Variants in SERPINF1 observed in about 807,000 individuals in gnomAD.
SERPINF1 encodes serpin family F member 1, also known as pigment epithelium-derived factor.
Under a neutral mutation model 37.3 loss-of-function variants are expected in SERPINF1, and 29 were observed. The observed-to-expected ratio is 0.78, with a 90% CI of 0.58 to 1.06. SERPINF1 has a LOEUF of 1.06. Among genes scored for constraint, SERPINF1 ranks in the 50% least tolerant of loss-of-function variants. The probability of loss-of-function intolerance (pLI) is 0.00; values close to 1 mark genes in which losing one functional copy is unlikely to be tolerated. For synonymous variants in SERPINF1, 281 were observed against 227.9 expected (o/e 1.23, Z -2.10); for missense variants, 553 against 532.2 (o/e 1.04, Z -0.38).
Position 1,766,958 on chromosome 17 carries a change from C to A in SERPINF1, c.48C>A (p.His16Gln). ...TCTGCATTGGAGCCCTCCTCGGGCA[C>A]AGCAGCTGCCAGAACCCTGCCAGCC... ...LLLCIGALLGHSSCQNPASPP... is the reference protein window; with the variant it reads ...LLLCIGALLGQSSCQNPASPP... The change falls in exon 2 of 8, where the codon CAC becomes CAA. Residue 16 changes from histidine to glutamine, a missense_variant. Transcript: ENST00000254722. The A allele has an allele frequency of 6.4e-7, 1 of 1,562,332 alleles. No individual in the cohort carries two copies. The highest frequency in any genetic ancestry group is 8.7e-7 in the Non-Finnish European group (1 of 1,153,052).
At chr17:1,768,943 T>C (rs2151206656) in intron 2 of SERPINF1, among the ~76,000 whole-genome samples, 1 of 151,938 alleles carries the variant, frequency 6.6e-6, no homozygotes, top group South Asian at 2.1e-4. Context: ...GTAGCTGGGA[T>C]TACAGGCATG....
chr17:1,772,581 C>T (rs1041501798), intron 5 of SERPINF1, among the ~76,000 whole-genome samples: 2 of 133,758 alleles, frequency 1.5e-5, no homozygotes, highest in Non-Finnish European at 3.2e-5. Context: ...TTTTTTGAGA[C>T]AGAGTCTTGC....
intron 2 of SERPINF1, 138 bp downstream of exon 2, chr17:1,767,132 C>T (rs1484528548): frequency 1.9e-5 from 13 of 683,808 alleles, no homozygotes; most frequent in Non-Finnish European, 2.4e-6. Flanking sequence ...TGGAGTTTCT[C>T]CAGCAGCAAA....
chr17:1,775,986 A>T (rs1033789826), intron 6 of SERPINF1, among the ~76,000 whole-genome samples: 1 of 152,230 alleles, frequency 6.6e-6, no homozygotes, highest in African/African-American at 2.4e-5. Context: ...CCAGGTGTGC[A>T]CACACGTTTC....
intron 2 of SERPINF1, among the ~76,000 whole-genome samples, chr17:1,769,382 C>A (rs1398667404): frequency 6.8e-6 from 1 of 147,128 alleles, no homozygotes; most frequent in Non-Finnish European, 1.5e-5. Flanking sequence ...GTACTCCAGC[C>A]TGAGCGACAG....
intron 5 of SERPINF1, 50 bp downstream of exon 5, chr17:1,772,125 A>C: frequency 1.9e-6 from 3 of 1,554,512 alleles, no homozygotes; most frequent in Non-Finnish European, 2.6e-6. Context: ...ATTTTAACTA[A>C]TTAATTAATT....
rs776614519 is a variant in SERPINF1, at chr17:1,771,117, G to T, written c.372G>T (p.Glu124Asp). The T allele has an allele frequency of 1.9e-6, 3 of 1,614,114 alleles. No homozygotes were observed. In the Admixed American group the frequency reaches 5.0e-5, roughly 27 times the overall value. The change falls in exon 4 of 8, where the codon GAG becomes GAT. Residue 124 changes from glutamate (E) to aspartate (D), a missense_variant. Coordinates refer to ENST00000254722, the MANE Select transcript of SERPINF1 (RefSeq NM_002615.7). ...SSPDIHGTYK[E>D]LLDTVTAPQK... ...CAGACATCCATGGTACCTATAAGGA[G>T]CTCCTTGACACGGTCACTGCCCCCC... is the stretch of plus-strand genomic sequence containing the variant.
At chr17:1,770,815 C>T (rs1907681041) in intron 3 of SERPINF1, 1 of 579,170 alleles carries the variant, frequency 1.7e-6, no homozygotes, top group Admixed American at 2.5e-5. Context: ...CCTCTCACTC[C>T]CTCACTCCCA....
Position 1,766,899 on chromosome 17 carries a change from G to A in SERPINF1, c.-8-4G>A, listed in dbSNP as rs1233247401. ...CGGCTTGCTGCCTCGTTCTTTTCTT[G>A]CAGGCCCCAGGATGCAGGCCCTGGT... On this transcript the variant is annotated splice_region_variant and splice_polypyrimidine_tract_variant and intron_variant, in intron 1 of 7. Transcript: ENST00000254722. 6.4e-7 allele frequency: 1 copy of A among 1,554,474 alleles called. No homozygotes were observed. The highest frequency in any genetic ancestry group is 8.7e-7 in the Non-Finnish European group (1 of 1,148,784).
intron 6 of SERPINF1, 98 bp from the exon 7 acceptor site, chr17:1,776,434 G>C: frequency 2.8e-6 from 3 of 1,054,562 alleles, no homozygotes; most frequent in Non-Finnish European, 4.4e-6. Context: ...GACGAGACCA[G>C]GGCCCCGTCA....
intron 1 of SERPINF1, among the ~76,000 whole-genome samples, chr17:1,763,238 G>T (rs1597344383): frequency 6.6e-6 from 1 of 152,236 alleles, no homozygotes; most frequent in Admixed American, 6.5e-5. Flanking sequence ...CTGGGAAGAG[G>T]GGGAGGTGGC....
At chr17:1,772,182 T>C (rs1231739768) in intron 5 of SERPINF1, 107 bp downstream of exon 5, 5 of 1,224,160 alleles carry the variant, frequency 4.1e-6, no homozygotes, top group South Asian at 1.3e-5. Flanking sequence ...AGTGGTGCGA[T>C]CTCAGCTCAA....
chr17:1,772,893 C>T (rs898397327), intron 5 of SERPINF1, among the ~76,000 whole-genome samples: 5 of 152,114 alleles, frequency 3.3e-5, no homozygotes, highest in Admixed American at 1.3e-4. Flanking sequence ...ACTATGATGC[C>T]GAGGCTGGTC....
intron 6 of SERPINF1, 106 bp downstream of exon 6, chr17:1,775,306 C>T: frequency 1.7e-6 from 2 of 1,165,106 alleles, no homozygotes; most frequent in Non-Finnish European, 1.2e-6. Context: ...CAGCTGTCTA[C>T]ATGTCGCCTG....
chr17:1,764,136 C>T (rs1003870600), intron 1 of SERPINF1, among the ~76,000 whole-genome samples: 4 of 152,210 alleles, frequency 2.6e-5, no homozygotes, highest in African/African-American at 2.4e-5. Context: ...GAGCTGAGAT[C>T]GCGCCACTGC....
rs751521085 is a variant in SERPINF1 at position 1,771,863 on chromosome 17, T to A, written c.440-9T>A. 6.2e-7 allele frequency: 1 copy of A among 1,610,650 alleles called. No homozygotes were observed. Among genetic ancestry groups the A allele is most frequent in the Non-Finnish European group, 8.5e-7 (1 of 1,179,710 alleles). ...CTCATACGCTAACCTCTGCTCCGCC[T>A]CTTCTCAGAGCTGCGCATAAAATCC... On this transcript the variant is annotated splice_polypyrimidine_tract_variant and intron_variant, in intron 4 of 7. Transcript: ENST00000254722.
Position 1,771,241 on chromosome 17 carries a change from TG to T in SERPINF1, c.439+64del, listed in dbSNP as rs993385160. On this transcript the variant is annotated intron_variant, in intron 4 of 7. Transcript: ENST00000254722. Reference sequence around the variant, plus strand: ...GGCATGTGGGCTCCATGCTGCAGGCTGGGGGGGTCTTTTTTTTTTTTTTTTG... The same window carrying T: ...GGCATGTGGGCTCCATGCTGCAGGCTGGGGGGTCTTTTTTTTTTTTTTTTG... The T allele has an allele frequency of 7.3e-5, 106 of 1,451,714 alleles. No homozygotes were observed. In the East Asian group the frequency reaches 8.1e-4, roughly 11 times the overall value. The allele number at this position is 1,451,714 out of a possible 1,614,324, so 89.9% of individuals were successfully genotyped here. A position where few individuals can be genotyped will look rare whatever the true frequency, so the allele number is the denominator to read the frequency against.
At chr17:1,764,288 T>C (rs1191594007) in intron 1 of SERPINF1, among the ~76,000 whole-genome samples, 1 of 152,368 alleles carries the variant, frequency 6.6e-6, no homozygotes, top group East Asian at 1.9e-4. Flanking sequence ...TTGCCTCCTG[T>C]GTACCTCACT....
chr17:1,767,701 C>G (rs147689819), intron 2 of SERPINF1, among the ~76,000 whole-genome samples: 1 of 152,196 alleles, frequency 6.6e-6, no homozygotes, highest in African/African-American at 2.4e-5. Context: ...GGCATCTTGG[C>G]GAGAGCCCTG....
Sources: allele counts gnomAD v4.1 joint callset (sites outside exome capture counted in the v4.1 genomes callset), GRCh38; gene constraint gnomAD v4.1.1; transcripts MANE v1.5; gene names NCBI Gene and HGNC (gene_info 2026-07-23, HGNC 2026-07-21).